The following OSTF1 variants were observed in gnomAD, a reference collection of about 807,000 sequenced individuals.
OSTF1 encodes osteoclast stimulating factor 1.
OSTF1 carries 27 observed loss-of-function variants against 37.2 expected under a neutral mutation model. The observed-to-expected ratio is 0.73, with a 90% CI of 0.54 to 1.00. OSTF1 has a LOEUF of 1.00. Among genes scored for constraint, OSTF1 ranks in the 50% least tolerant of loss-of-function variants. The pLI is 0.00. For missense variants in OSTF1, 232 were observed against 253.8 expected, an observed-to-expected ratio of 0.91 and a Z score of 0.58; for synonymous variants, 82 against 89.2, an observed-to-expected ratio of 0.92 and a Z score of 0.46.
At chr9:75,113,398 A>G (rs1825425500) in intron 1 of OSTF1, among the ~76,000 whole-genome samples, 1 of 149,720 alleles carries the variant, frequency 6.7e-6, no homozygotes, top group Admixed American at 6.6e-5. Flanking sequence ...TGTGTAGATT[A>G]TATTCTATGT....
intron 1 of OSTF1, among the ~76,000 whole-genome samples, chr9:75,104,750 G>A (rs562879881): frequency 2.0e-5 from 3 of 152,222 alleles, no homozygotes; most frequent in South Asian, 4.1e-4. Flanking sequence ...CAGGAACTGC[G>A]CTCAGTATTT....
In OSTF1 at chr9:75,089,240, G is replaced by C. The variant is rs984269792; in HGVS notation, c.34+514G>C. On this transcript the variant is annotated intron_variant, in intron 1 of 9. Coordinates refer to ENST00000346234, the MANE Select transcript of OSTF1 (RefSeq NM_012383.5). ...TGGAGCAGCGTTTGAAATTGACCTC[G>C]GGATCTTGGGAAGAGCGTTTAGAAA... is the stretch of plus-strand genomic sequence containing the variant. 5.9e-5 allele frequency among the ~76,000 whole-genome samples: 9 copies of C among 151,344 alleles called. No individual in the cohort carries two copies. The East Asian group carries it at 1.5e-3, about 26-fold the overall frequency.
At chr9:75,122,474 T>A (rs1825595737) in intron 2 of OSTF1, among the ~76,000 whole-genome samples, 1 of 152,216 alleles carries the variant, frequency 6.6e-6, no homozygotes, top group Non-Finnish European at 1.5e-5. Flanking sequence ...CCATTGGTTT[T>A]GTTATACTGT....
intron 7 of OSTF1, among the ~76,000 whole-genome samples, chr9:75,134,871 T>C (rs1825819052): frequency 6.6e-6 from 1 of 152,224 alleles, no homozygotes; most frequent in African/African-American, 2.4e-5. Flanking sequence ...TAACCTTTTT[T>C]TGTTTCTGTA....
intron 1 of OSTF1, among the ~76,000 whole-genome samples, chr9:75,091,045 T>C (rs1263284415): frequency 2.0e-5 from 3 of 151,480 alleles, no homozygotes; most frequent in Non-Finnish European, 4.4e-5. Context: ...TAGCAGGCAG[T>C]ATTAAAACCC....
intron 1 of OSTF1, among the ~76,000 whole-genome samples, chr9:75,099,503 T>C (rs561035053): frequency 6.6e-6 from 1 of 152,268 alleles, no homozygotes; most frequent in South Asian, 2.1e-4. Context: ...CCTCCTGGGC[T>C]GAAACAGTCT....
At chr9:75,128,741 A>G (rs1825717186) in intron 3 of OSTF1, among the ~76,000 whole-genome samples, 1 of 150,600 alleles carries the variant, frequency 6.6e-6, no homozygotes, top group East Asian at 2.0e-4. Flanking sequence ...TTTAGAGCAA[A>G]TGAGTAATTA....
chr9:75,126,121 G>A (rs1825657805), intron 2 of OSTF1, among the ~76,000 whole-genome samples: 1 of 152,038 alleles, frequency 6.6e-6, no homozygotes, highest in Non-Finnish European at 1.5e-5. Context: ...CACCATGTTG[G>A]CCAGGCTGGT....
At chr9:75,097,561 G>A (rs1449344414) in intron 1 of OSTF1, among the ~76,000 whole-genome samples, 4 of 152,088 alleles carry the variant, frequency 2.6e-5, no homozygotes, top group African/African-American at 9.7e-5. Context: ...TGTCTTGATG[G>A]CCATTCATGA....
chr9:75,102,785 T>C (rs1465070807), intron 1 of OSTF1, among the ~76,000 whole-genome samples: 1 of 152,210 alleles, frequency 6.6e-6, no homozygotes, highest in Non-Finnish European at 1.5e-5. Context: ...TCACAATGAA[T>C]AACTACTTTT....
Position 75,134,331 on chromosome 9 carries a change from C to T in OSTF1, c.359-15C>T, listed in dbSNP as rs746019512. The T allele has an allele frequency of 2.7e-6, 4 of 1,455,816 alleles. No homozygotes were observed. The highest frequency in any genetic ancestry group is 3.8e-6 in the Non-Finnish European group (4 of 1,045,790). 90.2% of individuals were successfully genotyped at this position (1,455,816 alleles called of 1,614,324 possible). On this transcript the variant is annotated splice_polypyrimidine_tract_variant and intron_variant, in intron 6 of 9. Transcript: ENST00000346234. ...TTTTCGTTCTTAAAAGGTATCTTTTCTCTTTGAATTTCAGATATAGTGGAA... is the reference window on the plus strand; with the variant it reads ...TTTTCGTTCTTAAAAGGTATCTTTTTTCTTTGAATTTCAGATATAGTGGAA...
At chr9:75,098,134 A>T (rs990375831) in intron 1 of OSTF1, among the ~76,000 whole-genome samples, 2 of 152,288 alleles carry the variant, frequency 1.3e-5, no homozygotes, top group Non-Finnish European at 2.9e-5. Context: ...GGCCTCTCAA[A>T]TAATTTCTCA....
intron 1 of OSTF1, among the ~76,000 whole-genome samples, chr9:75,106,476 C>G (rs559217220): frequency 8.6e-5 from 13 of 151,876 alleles, no homozygotes; most frequent in African/African-American, 2.9e-4. Context: ...GAAACTCCGT[C>G]TCTACTAAAA....
intron 7 of OSTF1, among the ~76,000 whole-genome samples, chr9:75,134,846 T>C (rs1269769788): frequency 6.6e-6 from 1 of 152,138 alleles, no homozygotes; most frequent in Non-Finnish European, 1.5e-5. Flanking sequence ...GTCTAAATAG[T>C]GTTCACTGCT....
At chr9:75,117,458 A>G (rs756254531) in intron 1 of OSTF1, 46 bp from the exon 2 acceptor site, 1 of 1,420,762 alleles carries the variant, frequency 7.0e-7, no homozygotes, top group Non-Finnish European at 9.9e-7. Flanking sequence ...TTAAGAGCAA[A>G]TTCAGGAATG....
chr9:75,123,118 A>G (rs1253982111), intron 2 of OSTF1, among the ~76,000 whole-genome samples: 2 of 152,232 alleles, frequency 1.3e-5, no homozygotes, highest in African/African-American at 4.8e-5. Context: ...GAAAGGAGGA[A>G]TGTAGTTAAA....
At chr9:75,088,818 A>T (rs1824868515) in intron 1 of OSTF1, 92 bp downstream of exon 1, 1 of 1,292,734 alleles carries the variant, frequency 7.7e-7, no homozygotes, top group African/African-American at 1.5e-5. Flanking sequence ...CCCGGCGCGC[A>T]CCCGGCCCCG....
Position 75,130,603 on chromosome 9 carries a change from C to T in OSTF1, c.158C>T (p.Thr53Ile). 1 of 1,611,868 alleles carries T rather than the reference C, an allele frequency of 6.2e-7. No homozygotes were observed. Among genetic ancestry groups the T allele is most frequent in the Non-Finnish European group, 8.5e-7 (1 of 1,177,998 alleles). ...AGCGATACCAATTGGTGGAAAGGCA[C>T]CTCCAAAGGCAGGACTGGACTAATT... The part of the protein sequence containing the change: ...DMSDTNWWKG[T>I]SKGRTGLIPS... Residue 53 changes from threonine to isoleucine, a missense_variant, in exon 4 of 10, where the codon ACC becomes ATC. Transcript: ENST00000346234.
chr9:75,103,487 A>C (rs991685071), intron 1 of OSTF1, among the ~76,000 whole-genome samples: 2 of 152,210 alleles, frequency 1.3e-5, no homozygotes, highest in Non-Finnish European at 2.9e-5. Flanking sequence ...GTTTCTTTCC[A>C]GTTTTTCTTC....
Sources: gnomAD v4.1 joint callset for allele counts (sites outside exome capture counted in the v4.1 genomes callset) on GRCh38, gnomAD v4.1.1 for gene constraint, MANE v1.5 for transcripts, NCBI Gene and HGNC (gene_info 2026-07-23, HGNC 2026-07-21) for gene names.